Variants in DOP1A observed in about 807,000 individuals in gnomAD.
DOP1A encodes the protein protein DOP1A.
In DOP1A, 90 loss-of-function variants were observed where a neutral mutation model predicts 267.6. The observed-to-expected ratio is 0.34, with a 90% CI of 0.28 to 0.40. The LOEUF is 0.40. DOP1A is among the 10% of genes least tolerant of loss of function. The probability of loss-of-function intolerance (pLI) is 1.00; values close to 1 mark genes in which losing one functional copy is unlikely to be tolerated. For missense variants in DOP1A, 2,437 were observed against 2,900.4 expected, an observed-to-expected ratio of 0.84 and a Z score of 3.67; for synonymous variants, 932 against 999.1, an observed-to-expected ratio of 0.93 and a Z score of 1.27.
At chr6:83,153,669 G>A in intron 31 of DOP1A, 49 bp downstream of exon 31, 4 of 1,436,410 alleles carry the variant, frequency 2.8e-6, no homozygotes, top group Non-Finnish European at 2.8e-6. Context: ...TAGCCTGTTA[G>A]AAACAAGTTC....
chr6:83,087,253 A>G (rs917252893), intron 1 of DOP1A, among the ~76,000 whole-genome samples: 4 of 152,206 alleles, frequency 2.6e-5, no homozygotes, highest in African/African-American at 9.6e-5. Flanking sequence ...TAGGATTTTG[A>G]GAAGAGAAGG....
chr6:83,120,615 C>T, intron 9 of DOP1A, 68 bp from the exon 10 acceptor site: 3 of 1,307,570 alleles, frequency 2.3e-6, no homozygotes, highest in Non-Finnish European at 3.1e-6. Flanking sequence ...TTTAAAAATA[C>T]TTTTTCTTAA....
intron 34 of DOP1A, among the ~76,000 whole-genome samples, chr6:83,156,620 T>TC (rs1782858175): frequency 6.6e-6 from 1 of 152,126 alleles, no homozygotes; most frequent in Admixed American, 6.5e-5. Flanking sequence ...ACCAAATAGC[T>TC]CCACAATGGG....
chr6:83,153,213 A>C (rs896754161), intron 30 of DOP1A, among the ~76,000 whole-genome samples: 4 of 152,150 alleles, frequency 2.6e-5, no homozygotes, highest in Admixed American at 2.6e-4. Context: ...TATAGTTTCT[A>C]GTACTAAATT....
rs576677844 is a variant in DOP1A at position 83,133,714 on chromosome 6, A to C, written c.2770-473A>C. Among the ~76,000 whole-genome samples, 27 of 152,246 alleles carry C rather than the reference A, an allele frequency of 1.8e-4. No individual in the cohort carries two copies. The East Asian group carries it at 4.2e-3, about 24-fold the overall frequency. On this transcript the variant is annotated intron_variant, in intron 18 of 38. Coordinates refer to ENST00000349129, the MANE Select transcript of DOP1A (RefSeq NM_015018.4). The stretch of plus-strand genomic sequence containing the variant: ...TTGTAAAAATTATTTTTAAGTATTT[A>C]AATTTTTGAGTCAAACCAGCTTTAT...
At chr6:83,095,099 A>G (rs1771225074) in intron 1 of DOP1A, among the ~76,000 whole-genome samples, 1 of 151,924 alleles carries the variant, frequency 6.6e-6, no homozygotes, top group Non-Finnish European at 1.5e-5. Context: ...CACCTGGCTG[A>G]TTTTTGTATT....
intron 6 of DOP1A, among the ~76,000 whole-genome samples, chr6:83,112,770 G>C (rs1029324813): frequency 4.6e-5 from 7 of 152,216 alleles, no homozygotes; most frequent in South Asian, 2.1e-4. Context: ...ACAGCATTAT[G>C]CTATTTAAAT....
At chr6:83,101,326 A>G (rs1422775009) in intron 4 of DOP1A, among the ~76,000 whole-genome samples, 1 of 152,184 alleles carries the variant, frequency 6.6e-6, no homozygotes, top group Non-Finnish European at 1.5e-5. Context: ...TCAGATATCA[A>G]TCTTAAATAT....
At chr6:83,081,417 C>T (rs1768051596) in intron 1 of DOP1A, among the ~76,000 whole-genome samples, 1 of 152,142 alleles carries the variant, frequency 6.6e-6, no homozygotes, top group African/African-American at 2.4e-5. Flanking sequence ...CTACAACCAA[C>T]TGGTTTTTGA....
chr6:83,153,764 T>C, intron 31 of DOP1A, 130 bp from the exon 32 acceptor site: 1 of 1,197,474 alleles, frequency 8.4e-7, no homozygotes, highest in Non-Finnish European at 1.1e-6. Flanking sequence ...TCATATATTA[T>C]TTTTCTTATG....
chr6:83,132,710 T>C (rs960332199), intron 18 of DOP1A, among the ~76,000 whole-genome samples: 1 of 152,120 alleles, frequency 6.6e-6, no homozygotes, highest in Admixed American at 6.5e-5. Flanking sequence ...AATGAAATAA[T>C]GTATAAAGTA....
At chr6:83,118,570 C>G (rs1775851446) in intron 7 of DOP1A, among the ~76,000 whole-genome samples, 2 of 152,206 alleles carry the variant, frequency 1.3e-5, no homozygotes, top group African/African-American at 4.8e-5. Flanking sequence ...ATATCATTTT[C>G]TTGTGTCTGT....
In DOP1A at chr6:83,138,288, T is replaced by G. The variant is rs749827075; in HGVS notation, c.4246T>G (p.Leu1416Val). The change falls in exon 21 of 39, where the codon TTG becomes GTG. Residue 1416 changes from leucine (L) to valine (V), a missense_variant. Coordinates refer to ENST00000349129, the MANE Select transcript of DOP1A (RefSeq NM_015018.4). ...TGTAAATAATGCATATACTCCTCAG[T>G]TGTCTCTCCTTCAGAATCTATTGGC... ...TSVNNAYTPQ[L>V]SLLQNLLARH... 1.1e-5 allele frequency: 18 copies of G among 1,612,922 alleles called. No homozygotes were observed. Among genetic ancestry groups the G allele is most frequent in the Non-Finnish European group, 1.5e-5 (18 of 1,179,920 alleles).
In DOP1A at chr6:83,101,466, T is replaced by C. The variant is rs1271050012; in HGVS notation, c.320+580T>C. Among the ~76,000 whole-genome samples the C allele has an allele frequency of 6.6e-5, 10 of 152,342 alleles. No homozygotes were observed. In the East Asian group the frequency reaches 1.5e-3, roughly 23 times the overall value. ...TATAGTACATTCTACCTTTTTAAGCTTGAAAACTGGCCTGAGAAAAAAATA... is the reference window on the plus strand; with the variant it reads ...TATAGTACATTCTACCTTTTTAAGCCTGAAAACTGGCCTGAGAAAAAAATA... On this transcript the variant is annotated intron_variant, in intron 4 of 38. Coordinates refer to ENST00000349129, the MANE Select transcript of DOP1A (RefSeq NM_015018.4).
chr6:83,165,673 TA>T, intron 38 of DOP1A: 2 of 211,002 alleles, frequency 9.5e-6, no homozygotes. Flanking sequence ...CTGAGATGCC[TA>T]AAGAAGTGGT....
chr6:83,163,002 A>G (rs1055270759), intron 38 of DOP1A, 83 bp downstream of exon 38: 2 of 1,423,482 alleles, frequency 1.4e-6, no homozygotes. Flanking sequence ...TTCCTGGGAA[A>G]CTGAGAACGT....
intron 34 of DOP1A, 54 bp from the exon 35 acceptor site, chr6:83,157,127 AG>A: frequency 6.4e-7 from 1 of 1,566,054 alleles, no homozygotes; most frequent in Non-Finnish European, 8.7e-7. Context: ...CAATATAGAA[AG>A]TTTTATGTGA....
intron 9 of DOP1A, 69 bp from the exon 10 acceptor site, chr6:83,120,614 A>G (rs1776204033): frequency 2.2e-5 from 29 of 1,296,818 alleles, no homozygotes; most frequent in Admixed American, 4.0e-5. Flanking sequence ...ATTTAAAAAT[A>G]CTTTTTCTTA....
chr6:83,092,367 T>C (rs1770587022), intron 1 of DOP1A, among the ~76,000 whole-genome samples: 1 of 152,230 alleles, frequency 6.6e-6, no homozygotes, highest in Admixed American at 6.5e-5. Flanking sequence ...CAAAGAACTT[T>C]CCTGGTAGGA....
Sources: allele counts gnomAD v4.1 joint callset (sites outside exome capture counted in the v4.1 genomes callset), GRCh38; gene constraint gnomAD v4.1.1; transcripts MANE v1.5; gene names NCBI Gene and HGNC (gene_info 2026-07-23, HGNC 2026-07-21).